Variants in NXPE2 observed in about 807,000 individuals in gnomAD.
NXPE2 encodes neurexophilin and PC-esterase domain family member 2, also known as NXPE family member 2.
NXPE2 carries 34 observed loss-of-function variants against 34.4 expected under a neutral mutation model. The ratio of observed to expected loss-of-function variants is 0.99; its 90% confidence interval spans 0.75 to 1.31. NXPE2 has a LOEUF of 1.31. Ranked by LOEUF, NXPE2 falls within the 40% of genes most tolerant of loss-of-function variation. NXPE2 has a pLI of 0.00. For missense variants in NXPE2, 649 were observed against 672.5 expected, an observed-to-expected ratio of 0.97 and a Z score of 0.39; for synonymous variants, 235 against 231.3, an observed-to-expected ratio of 1.02 and a Z score of -0.15.
the NXPE2 span, among the ~76,000 whole-genome samples, chr11:114,650,924 G>T: frequency 6.6e-6 from 1 of 152,080 alleles, no homozygotes; most frequent in Non-Finnish European, 1.5e-5. Flanking sequence ...GGTAATACTG[G>T]CTAACAGAGA....
the NXPE2 span, among the ~76,000 whole-genome samples, chr11:114,471,437 A>T: frequency 6.6e-6 from 1 of 152,208 alleles, no homozygotes. Context: ...GTGTATAAAT[A>T]ACAGAATTAA....
chr11:114,615,078 C>T, the NXPE2 span, among the ~76,000 whole-genome samples: 1 of 151,866 alleles, frequency 6.6e-6, no homozygotes, highest in Non-Finnish European at 1.5e-5. Context: ...CAATTCTTAC[C>T]CTGTGGAAAA....
At chr11:114,615,845 G>C in the NXPE2 span, among the ~76,000 whole-genome samples, 4 of 151,538 alleles carry the variant, frequency 2.6e-5, no homozygotes, top group Non-Finnish European at 4.4e-5. Flanking sequence ...TGGATAATAA[G>C]AGATGCCTCG....
chr11:114,780,360 G>A, the NXPE2 span, among the ~76,000 whole-genome samples: 2 of 152,316 alleles, frequency 1.3e-5, no homozygotes, highest in Admixed American at 6.5e-5. Flanking sequence ...CAAACACCAC[G>A]AGGATGAGGA....
chr11:114,675,263 C>T (rs1950845055), upstream of NXPE2, among the ~76,000 whole-genome samples: 1 of 151,592 alleles, frequency 6.6e-6, no homozygotes. Flanking sequence ...AAGAGGATAC[C>T]CACTCTTGCC....
At chr11:114,489,675 T>G in the NXPE2 span, among the ~76,000 whole-genome samples, 1 of 152,220 alleles carries the variant, frequency 6.6e-6, no homozygotes, top group East Asian at 1.9e-4. Flanking sequence ...TGCTAGAAAC[T>G]CTCACTAAAT....
chr11:114,761,561 C>CTTTTTTTTTTTTTTTTTT, the NXPE2 span, among the ~76,000 whole-genome samples: 1 of 92,774 alleles, frequency 1.1e-5, no homozygotes, highest in Non-Finnish European at 2.0e-5. Context: ...AGCCAAGCCT[C>CTTTTTTTTTTTTTTTTTT]TTTTTTTTTT....
chr11:114,635,421 T>G, the NXPE2 span, among the ~76,000 whole-genome samples: 1 of 151,440 alleles, frequency 6.6e-6, no homozygotes, highest in Non-Finnish European at 1.5e-5. Context: ...CAGGGACAAT[T>G]TGACTTCCTC....
At chr11:114,711,219 G>C (rs1368049879), downstream of NXPE2, among the ~76,000 whole-genome samples, 1 of 151,852 alleles carries the variant, frequency 6.6e-6, no homozygotes, top group Non-Finnish European at 1.5e-5. Flanking sequence ...ATTCAACATA[G>C]TACTGAAATT....
the NXPE2 span, among the ~76,000 whole-genome samples, chr11:114,516,613 A>G: frequency 6.6e-6 from 1 of 152,090 alleles, no homozygotes; most frequent in Non-Finnish European, 1.5e-5. Flanking sequence ...TGGAATTCAG[A>G]TAGTTGTAAA....
chr11:114,494,199 G>A, the NXPE2 span, among the ~76,000 whole-genome samples: 23 of 151,998 alleles, frequency 1.5e-4, no homozygotes, highest in African/African-American at 5.3e-4. Flanking sequence ...TTAAATCTGC[G>A]TGATATCTTA....
chr11:114,473,999 G>A, the NXPE2 span, among the ~76,000 whole-genome samples: 2 of 152,162 alleles, frequency 1.3e-5, no homozygotes, highest in African/African-American at 4.8e-5. Flanking sequence ...GGGCGAGAAA[G>A]AGAGAGTTAA....
the NXPE2 span, among the ~76,000 whole-genome samples, chr11:114,524,954 G>A: frequency 2.6e-5 from 4 of 151,986 alleles, no homozygotes; most frequent in Non-Finnish European, 2.9e-5. Flanking sequence ...GATTAACCCC[G>A]GTTTATCTAG....
At chr11:114,576,568 T>A in the NXPE2 span, among the ~76,000 whole-genome samples, 1 of 151,930 alleles carries the variant, frequency 6.6e-6, no homozygotes, top group Admixed American at 6.6e-5. Context: ...AAAGAAGATA[T>A]ACAGATGGTG....
At chr11:114,783,074 T>TC in the NXPE2 span, among the ~76,000 whole-genome samples, 22,589 of 152,182 alleles carry the variant, frequency 0.15, 1,728 homozygotes, top group Admixed American at 0.2. Flanking sequence ...TATTATTTAC[T>TC]CCGGCTCCCT....
At chr11:114,645,733 G>A in the NXPE2 span, among the ~76,000 whole-genome samples, 1 of 152,020 alleles carries the variant, frequency 6.6e-6, no homozygotes, top group East Asian at 1.9e-4. Flanking sequence ...CATATAAAGT[G>A]ATATTTGAAT....
At chr11:114,587,492 G>C in the NXPE2 span, among the ~76,000 whole-genome samples, 1 of 152,216 alleles carries the variant, frequency 6.6e-6, no homozygotes, top group African/African-American at 2.4e-5. Flanking sequence ...GAGTCATGCA[G>C]ATCACACAAG....
chr11:114,643,033 T>A, the NXPE2 span, among the ~76,000 whole-genome samples: 30 of 152,168 alleles, frequency 2.0e-4, no homozygotes, highest in African/African-American at 6.8e-4. Context: ...CATTTTTTAA[T>A]GTTTGTTGGC....
chr11:114,638,980 C>A, the NXPE2 span, among the ~76,000 whole-genome samples: 1 of 152,154 alleles, frequency 6.6e-6, no homozygotes, highest in South Asian at 2.1e-4. Context: ...CTGGGAGAAC[C>A]ACTGCTCTCT....
Sources: allele counts gnomAD v4.1 joint callset (sites outside exome capture counted in the v4.1 genomes callset), GRCh38; gene constraint gnomAD v4.1.1; transcripts MANE v1.5; gene names NCBI Gene and HGNC (gene_info 2026-07-23, HGNC 2026-07-21).